Variants in CD74 observed in about 807,000 individuals in gnomAD.
CD74 encodes the protein HLA class II histocompatibility antigen gamma chain.
Under a neutral mutation model 37.1 loss-of-function variants are expected in CD74, and 20 were observed. That is an observed-to-expected ratio of 0.54 (90% CI 0.38 to 0.78). CD74 has a LOEUF of 0.78. Ranked by LOEUF, CD74 falls within the 30% of genes least tolerant of loss-of-function variation. CD74 has a pLI of 0.00. For synonymous variants in CD74, 150 were observed against 152.0 expected (o/e 0.99, Z 0.10); for missense variants, 338 against 389.5 (o/e 0.87, Z 1.11).
At position 150,407,596 on chromosome 5, in the gene CD74, G is replaced by A. The variant is rs1166158871; in HGVS notation, c.126-272C>T. On this transcript the variant is annotated intron_variant, in intron 1 of 8. Transcript: ENST00000009530. The surrounding 1 kb of genome is among the most constrained non-coding windows in gnomAD (Gnocchi z 4.4). ...ACGGGCCTGAGTTGAACAGAGAAGA[G>A]CAAAGAGGCATGCTCTTTGTCCTCT... 6.6e-6 allele frequency among the ~76,000 whole-genome samples: 1 copy of A among 152,122 alleles called. No individual in the cohort carries two copies. The highest frequency in any genetic ancestry group is 1.5e-5 in the Non-Finnish European group (1 of 68,040).
In CD74 at chr5:150,411,850, C is replaced by T. The variant is rs577742353; in HGVS notation, c.125+775G>A. ...ACCTGCAACTATCATTCCCTTGATC[C>T]GTGGTAATTAGGAGGGAACTCCTCT... On this transcript the variant is annotated intron_variant, in intron 1 of 8. Transcript: ENST00000009530. Among the ~76,000 whole-genome samples, 92 of 152,360 alleles carry T rather than the reference C, an allele frequency of 6.0e-4. 2 individuals carry two copies. Among genetic ancestry groups the T allele is most frequent in the African/African-American group, 2.2e-3 (91 of 41,584 alleles).
chr5:150,412,354 C>T (rs1770393337), intron 1 of CD74, among the ~76,000 whole-genome samples: 1 of 152,240 alleles, frequency 6.6e-6, no homozygotes, highest in African/African-American at 2.4e-5. Flanking sequence ...AGGGAGAGAA[C>T]CCATGCTCTC....
At position 150,403,385 on chromosome 5, in the gene CD74, C is replaced by A. The variant is rs2151170662; in HGVS notation, c.626-73G>T. On this transcript the variant is annotated intron_variant, in intron 6 of 8. Coordinates refer to ENST00000009530, the MANE Select transcript of CD74 (RefSeq NM_001025159.3). This position sits in a 1 kb window ranked among gnomAD's most constrained non-coding sequence, Gnocchi z 4.5. Reference sequence around the variant, plus strand: ...ACCAGGGTCTGAGCAGAGCTAAAGACCCACACACCACTGCTGTGGGCTTAA... The same window carrying A: ...ACCAGGGTCTGAGCAGAGCTAAAGAACCACACACCACTGCTGTGGGCTTAA... The A allele has an allele frequency of 7.5e-7, 1 of 1,327,016 alleles. No individual in the cohort carries two copies. Among genetic ancestry groups the A allele is most frequent in the African/African-American group, 1.4e-5 (1 of 69,472 alleles). 82.2% of individuals were successfully genotyped at this position (1,327,016 alleles called of 1,614,324 possible).
At position 150,412,910 on chromosome 5, in the gene CD74, T is replaced by A; in HGVS notation, c.-161A>T. 1 of 1,496,486 alleles carries A rather than the reference T, an allele frequency of 6.7e-7. No individual in the cohort carries two copies. The highest frequency in any genetic ancestry group is 1.4e-5 in the African/African-American group (1 of 72,066). 92.7% of individuals were successfully genotyped at this position (1,496,486 alleles called of 1,614,324 possible). The stretch of plus-strand genomic sequence containing the variant: ...TGAAGCTGCCTTTTGCGGGGCAGGA[T>A]GTGGGGCGGGGGGGCTCCCCAGGCA... On this transcript the variant is annotated 5_prime_UTR_variant, in exon 1 of 9. Transcript: ENST00000009530.
At position 150,402,425 on chromosome 5, in the gene CD74, T is replaced by C. The variant is rs2151166665; in HGVS notation, c.880+138A>G. ...AACTCCCCACAGCCCCCCAACCCTG[T>C]TCCTTCGTCTGTGAAATGGACATCC... On this transcript the variant is annotated intron_variant, in intron 8 of 8. Coordinates refer to ENST00000009530, the MANE Select transcript of CD74 (RefSeq NM_001025159.3). This position sits in a 1 kb window ranked among gnomAD's most constrained non-coding sequence, Gnocchi z 4.2. The C allele has an allele frequency of 1.1e-6, 1 of 926,174 alleles. No individual in the cohort carries two copies. The highest frequency in any genetic ancestry group is 2.4e-5 in the East Asian group (1 of 41,762). The allele number at this position is 926,174 out of a possible 1,614,324, so 57.4% of individuals were successfully genotyped here. A position where few individuals can be genotyped will look rare whatever the true frequency, so the allele number is the denominator to read the frequency against.
At chr5:150,405,844 G>GGT in intron 4 of CD74, 1 of 167,172 alleles carries the variant, frequency 6.0e-6, no homozygotes, top group Non-Finnish European at 1.3e-5. Context: ...TGATGATCTC[G>GGT]GCTCACTGCA....
rs1457651568 is a variant in CD74 at position 150,407,523 on chromosome 5, A to G, written c.126-199T>C. Among the ~76,000 whole-genome samples, 3 of 152,114 alleles carry G rather than the reference A, an allele frequency of 2.0e-5. No individual in the cohort carries two copies. The highest frequency in any genetic ancestry group is 7.2e-5 in the African/African-American group (3 of 41,430). ...AGACCTCACCCCACCCCTCCTTCCA[A>G]CCATCGATGTGCCTGAAGTCTTCCC... is the stretch of plus-strand genomic sequence containing the variant. On this transcript the variant is annotated intron_variant, in intron 1 of 8. Transcript: ENST00000009530. The surrounding 1 kb of genome is among the most constrained non-coding windows in gnomAD (Gnocchi z 4.4).
At chr5:150,409,704 CAAAAAAA>C (rs755621804) in intron 1 of CD74, among the ~76,000 whole-genome samples, 3 of 89,554 alleles carry the variant, frequency 3.3e-5, no homozygotes, top group African/African-American at 4.3e-5. Context: ...AAAAACATAA[CAAAAAAA>C]AAAAAAAAAA....
In CD74 at chr5:150,403,233, G is replaced by A. The variant is rs61729998; in HGVS notation, c.705C>T (p.Asn235=). 1,341 of 1,614,012 alleles carry A rather than the reference G, an allele frequency of 8.3e-4. 11 individuals carry two copies. The African/African-American group carries it at 0.015, about 18-fold the overall frequency. The part of the protein sequence containing the change: ...PGSFRPKCDE[N]GNYLPLQCYG... Reference sequence around the variant, plus strand: ...AGCACTGGAGTGGCAGATAGTTGCCGTTCTCGTCGCACTTGGGCCTGAATG... The same window carrying A: ...AGCACTGGAGTGGCAGATAGTTGCCATTCTCGTCGCACTTGGGCCTGAATG... The change falls in exon 7 of 9, where the codon AAC becomes AAT. Residue 235 remains asparagine (N), a synonymous_variant. Coordinates refer to ENST00000009530, the MANE Select transcript of CD74 (RefSeq NM_001025159.3). This position sits in a 1 kb window ranked among gnomAD's most constrained non-coding sequence, Gnocchi z 4.5.
chr5:150,410,661 A>G (rs905296829), intron 1 of CD74, among the ~76,000 whole-genome samples: 1 of 146,768 alleles, frequency 6.8e-6, no homozygotes, highest in Admixed American at 6.9e-5. Context: ...CCTCATTTAC[A>G]CTACCTTCTT....
At chr5:150,408,466 C>T (rs1770126980) in intron 1 of CD74, among the ~76,000 whole-genome samples, 3 of 152,214 alleles carry the variant, frequency 2.0e-5, no homozygotes, top group African/African-American at 7.2e-5. Flanking sequence ...TGGTGGGTTT[C>T]TTCTTTTAAG....
At position 150,403,099 on chromosome 5, in the gene CD74, C is replaced by G. The variant is rs2151169462; in HGVS notation, c.817+22G>C. The G allele has an allele frequency of 1.2e-6, 2 of 1,601,412 alleles. No homozygotes were observed. Among genetic ancestry groups the G allele is most frequent in the Non-Finnish European group, 1.7e-6 (2 of 1,172,608 alleles). On this transcript the variant is annotated intron_variant, in intron 7 of 8. Coordinates refer to ENST00000009530, the MANE Select transcript of CD74 (RefSeq NM_001025159.3). The surrounding 1 kb of genome is among the most constrained non-coding windows in gnomAD (Gnocchi z 4.5). ...CCTAGTCCTTCCTGGTCCTCTGACA[C>G]TGGCACAGTGCCACTGCTTACCACT...
In CD74 at chr5:150,402,729, G is replaced by A. The variant is rs1382954630; in HGVS notation, c.818-104C>T. The A allele has an allele frequency of 3.1e-6, 3 of 964,702 alleles. No homozygotes were observed. Among genetic ancestry groups the A allele is most frequent in the Non-Finnish European group, 4.8e-6 (3 of 630,658 alleles). The allele number at this position is 964,702 out of a possible 1,614,324, so 59.8% of individuals were successfully genotyped here. A position where few individuals can be genotyped will look rare whatever the true frequency, so the allele number is the denominator to read the frequency against. The stretch of plus-strand genomic sequence containing the variant: ...ACCTAGCCACAGGCTTAGTGCCTGG[G>A]AAAGCAGGTACCCAGGGAAGGACAG... On this transcript the variant is annotated intron_variant, in intron 7 of 8. Coordinates refer to ENST00000009530, the MANE Select transcript of CD74 (RefSeq NM_001025159.3). The surrounding 1 kb of genome is among the most constrained non-coding windows in gnomAD (Gnocchi z 4.2).
intron 1 of CD74, among the ~76,000 whole-genome samples, chr5:150,409,704 C>CAAAAAAAAAAAAAAAA (rs755621804): frequency 2.2e-5 from 2 of 89,490 alleles, no homozygotes; most frequent in Admixed American, 1.3e-4. Flanking sequence ...AAAAACATAA[C>CAAAAAAAAAAAAAAAA]AAAAAAAAAA....
In CD74 at chr5:150,406,910, C is replaced by A. The variant is rs1320012408; in HGVS notation, c.349G>T (p.Ala117Ser). 6 of 1,531,250 alleles carry A rather than the reference C, an allele frequency of 3.9e-6. No homozygotes were observed. The highest frequency in any genetic ancestry group is 5.2e-6 in the Non-Finnish European group (6 of 1,144,836). The allele number at this position is 1,531,250 out of a possible 1,614,324, so 94.9% of individuals were successfully genotyped here. The change falls in exon 3 of 9, where the codon GCG (alanine) becomes TCG (serine). Residue 117 changes from alanine (A) to serine (S), a missense_variant. Coordinates refer to ENST00000009530, the MANE Select transcript of CD74 (RefSeq NM_001025159.3). ...MRMATPLLMQ[A>S]LPMGALPQGP... ...TGGGGCAGGGCTCCCATGGGCAGCG[C>A]CTGCATCAGCAGCGGGGTGGCCATG...
intron 3 of CD74, among the ~76,000 whole-genome samples, chr5:150,406,535 T>C (rs1203754160): frequency 6.6e-6 from 1 of 152,244 alleles, no homozygotes. Flanking sequence ...TAAGCTTTCC[T>C]GCCCAGGGTT....
rs200637098 is a variant in CD74 at position 150,407,740 on chromosome 5, T to TTTTTGTTTTG, written c.126-426_126-417dup. 6.3e-3 allele frequency among the ~76,000 whole-genome samples: 949 copies of TTTTTGTTTTG among 151,496 alleles called. 11 individuals carry two copies. Among genetic ancestry groups the TTTTTGTTTTG allele is most frequent in the African/African-American group, 0.021 (884 of 41,194 alleles). ...CTGCCCTCAAGGGGAACAGGTTTGG[T>TTTTTGTTTTG]TTTTGTTTTGTTTTGTTTTGTTTTG... On this transcript the variant is annotated intron_variant, in intron 1 of 8. Coordinates refer to ENST00000009530, the MANE Select transcript of CD74 (RefSeq NM_001025159.3). The surrounding 1 kb of genome is among the most constrained non-coding windows in gnomAD (Gnocchi z 4.4).
Position 150,402,922 on chromosome 5 carries a change from A to G in CD74, c.817+199T>C, listed in dbSNP as rs568378305. On this transcript the variant is annotated intron_variant, in intron 7 of 8. Coordinates refer to ENST00000009530, the MANE Select transcript of CD74 (RefSeq NM_001025159.3). This position sits in a 1 kb window ranked among gnomAD's most constrained non-coding sequence, Gnocchi z 4.2. ...AAGTGAACAAATATGAGTGCATGTA[A>G]GAGGAGAGATGATAAATGGACAAAT... 6.6e-6 allele frequency among the ~76,000 whole-genome samples: 1 copy of G among 152,364 alleles called. No homozygotes were observed. Among genetic ancestry groups the G allele is most frequent in the African/African-American group, 2.4e-5 (1 of 41,578 alleles).
chr5:150,409,581 T>A (rs1438817500), intron 1 of CD74, among the ~76,000 whole-genome samples: 1 of 151,458 alleles, frequency 6.6e-6, no homozygotes, highest in Non-Finnish European at 1.5e-5. Context: ...TAGTCCCAGC[T>A]ACTCAGGAGG....
Sources: allele counts gnomAD v4.1 joint callset (sites outside exome capture counted in the v4.1 genomes callset), GRCh38; gene constraint gnomAD v4.1.1; non-coding constraint Gnocchi (gnomAD v3.1); transcripts MANE v1.5; gene names NCBI Gene and HGNC (gene_info 2026-07-23, HGNC 2026-07-21).